Variants in ST6GALNAC5 observed in about 807,000 individuals in gnomAD.
ST6GALNAC5 encodes the protein ST6 N-acetylgalactosaminide alpha-2,6-sialyltransferase 5.
In ST6GALNAC5, 27 loss-of-function variants were observed where a neutral mutation model predicts 33.6. The ratio of observed to expected loss-of-function variants is 0.80; its 90% CI spans 0.59 to 1.11. The LOEUF is 1.11. ST6GALNAC5 is among the 50% of genes least tolerant of loss of function. The pLI is 0.00. For synonymous variants in ST6GALNAC5, 194 were observed against 171.2 expected (o/e 1.13, Z -1.04); for missense variants, 428 against 454.0 (o/e 0.94, Z 0.52).
At chr1:76,877,324 G>A (rs988116884) in intron 2 of ST6GALNAC5, among the ~76,000 whole-genome samples, 8 of 152,318 alleles carry the variant, frequency 5.3e-5, no homozygotes, top group African/African-American at 1.9e-4. Flanking sequence ...CCAAGTGGCA[G>A]AGCAGCTTGC....
intron 2 of ST6GALNAC5, among the ~76,000 whole-genome samples, chr1:77,025,370 TA>T (rs1391033607): frequency 1.3e-5 from 2 of 151,994 alleles, no homozygotes; most frequent in Admixed American, 1.3e-4. Context: ...CCCTCTTTAC[TA>T]AAAACACAAA....
intron 2 of ST6GALNAC5, among the ~76,000 whole-genome samples, chr1:76,931,976 G>A (rs549527825): frequency 1.3e-5 from 2 of 151,996 alleles, no homozygotes; most frequent in Non-Finnish European, 2.9e-5. Flanking sequence ...AAGAGAATAC[G>A]AAAAAGGAGA....
chr1:76,900,845 AT>A (rs1646810537), intron 2 of ST6GALNAC5, among the ~76,000 whole-genome samples: 1 of 152,194 alleles, frequency 6.6e-6, no homozygotes, highest in Admixed American at 6.5e-5. Flanking sequence ...TTTTAATCAC[AT>A]TGATTTGTTG....
intron 2 of ST6GALNAC5, among the ~76,000 whole-genome samples, chr1:76,892,182 C>T (rs779082399): frequency 3.5e-4 from 54 of 152,178 alleles, no homozygotes; most frequent in Non-Finnish European, 6.3e-4. Context: ...ACAACTTGTA[C>T]ATGACAGTCT....
At chr1:76,919,135 T>A (rs1647005553) in intron 2 of ST6GALNAC5, among the ~76,000 whole-genome samples, 1 of 152,078 alleles carries the variant, frequency 6.6e-6, no homozygotes, top group African/African-American at 2.4e-5. Context: ...GCTGATTGAG[T>A]GATCCCTCTG....
At chr1:77,036,757 G>A (rs1557769709) in intron 2 of ST6GALNAC5, among the ~76,000 whole-genome samples, 1 of 152,228 alleles carries the variant, frequency 6.6e-6, no homozygotes, top group Non-Finnish European at 1.5e-5. Flanking sequence ...CCTTCTATGT[G>A]CTGGGCACTG....
intron 2 of ST6GALNAC5, among the ~76,000 whole-genome samples, chr1:77,011,246 A>G (rs946010267): frequency 6.6e-6 from 1 of 152,190 alleles, no homozygotes; most frequent in Non-Finnish European, 1.5e-5. Context: ...CAGCATTCAG[A>G]TATGTAGAAA....
chr1:76,893,532 A>T (rs909689540), intron 2 of ST6GALNAC5, among the ~76,000 whole-genome samples: 4 of 152,222 alleles, frequency 2.6e-5, no homozygotes, highest in African/African-American at 7.2e-5. Flanking sequence ...ACGTCATTGG[A>T]ATTATTAGGA....
chr1:77,005,355 C>G (rs1000695013), intron 2 of ST6GALNAC5, among the ~76,000 whole-genome samples: 1 of 152,196 alleles, frequency 6.6e-6, no homozygotes, highest in Non-Finnish European at 1.5e-5. Flanking sequence ...GGCTCGCGCA[C>G]GGTGCGCACA....
chr1:77,066,072 G>A lies in ST6GALNAC5; in HGVS notation c.*2866G>A, dbSNP rs1487323998. 6.6e-6 allele frequency among the ~76,000 whole-genome samples: 1 copy of A among 152,126 alleles called. No individual in the cohort carries two copies. The highest frequency in any genetic ancestry group is 1.5e-5 in the Non-Finnish European group (1 of 68,016). ...AAAGCATACATTAAAAGAACATTAG[G>A]AGGTAAATATTCAGCATGCTGCATG... On this transcript the variant is annotated 3_prime_UTR_variant, in exon 5 of 5. Coordinates refer to ENST00000477717, the MANE Select transcript of ST6GALNAC5 (RefSeq NM_030965.3).
chr1:77,013,812 T>G (rs1160307144), intron 2 of ST6GALNAC5, among the ~76,000 whole-genome samples: 1 of 152,222 alleles, frequency 6.6e-6, no homozygotes, highest in Non-Finnish European at 1.5e-5. Context: ...AGACTTGTCT[T>G]GGAGAGGGCT....
chr1:76,988,072 T>A (rs931909147), intron 2 of ST6GALNAC5, among the ~76,000 whole-genome samples: 21 of 152,020 alleles, frequency 1.4e-4, no homozygotes, highest in South Asian at 8.4e-4. Flanking sequence ...ATTAAAAAAA[T>A]TTTTTTTTCT....
intron 2 of ST6GALNAC5, among the ~76,000 whole-genome samples, chr1:76,903,186 C>G (rs558929240): frequency 1.3e-5 from 2 of 152,150 alleles, no homozygotes; most frequent in East Asian, 3.9e-4. Flanking sequence ...CCATACAACT[C>G]AATAATAAAA....
intron 2 of ST6GALNAC5, among the ~76,000 whole-genome samples, chr1:77,022,616 A>G (rs544567816): frequency 7.5e-4 from 114 of 152,318 alleles, no homozygotes; most frequent in African/African-American, 2.6e-3. Context: ...CACACTATGG[A>G]CCAGTAAAGT....
intron 2 of ST6GALNAC5, among the ~76,000 whole-genome samples, chr1:76,904,326 G>C (rs1646844860): frequency 6.6e-6 from 1 of 152,150 alleles, no homozygotes; most frequent in Admixed American, 6.5e-5. Context: ...TCATGCTTAA[G>C]GGTGCTGTGA....
At chr1:76,882,794 C>T (rs1270034904) in intron 2 of ST6GALNAC5, among the ~76,000 whole-genome samples, 1 of 152,114 alleles carries the variant, frequency 6.6e-6, no homozygotes, top group Non-Finnish European at 1.5e-5. Flanking sequence ...CTATGGCTTC[C>T]CATTGCCTAC....
In ST6GALNAC5 at chr1:76,868,824, G is replaced by T; in HGVS notation, c.261+82G>T. On this transcript the variant is annotated intron_variant, in intron 2 of 4. Transcript: ENST00000477717. This position sits in a 1 kb window ranked among gnomAD's most constrained non-coding sequence, Gnocchi z 4.3. ...AGCCTTCCCCCTTTCCCGGGGCTGG[G>T]AGGCGCTGTGAGTAGGTGCCGTTCG... 7.0e-7 allele frequency: 1 copy of T among 1,430,048 alleles called. No individual in the cohort carries two copies. Among genetic ancestry groups the T allele is most frequent in the Non-Finnish European group, 9.1e-7 (1 of 1,098,136 alleles). The allele number at this position is 1,430,048 out of a possible 1,614,324, so 88.6% of individuals were successfully genotyped here.
At chr1:76,985,510 AG>A (rs1649456189) in intron 2 of ST6GALNAC5, among the ~76,000 whole-genome samples, 1 of 152,224 alleles carries the variant, frequency 6.6e-6, no homozygotes, top group Non-Finnish European at 1.5e-5. Context: ...GAAAGAAAAG[AG>A]GACACAAACA....
chr1:77,020,389 GTTGT>G (rs929687974), intron 2 of ST6GALNAC5, among the ~76,000 whole-genome samples: 1 of 152,004 alleles, frequency 6.6e-6, no homozygotes, highest in African/African-American at 2.4e-5. Context: ...TGTTTCCTTT[GTTGT>G]TTGTTTGTTT....
Sources: allele counts gnomAD v4.1 joint callset (sites outside exome capture counted in the v4.1 genomes callset), GRCh38; gene constraint gnomAD v4.1.1; non-coding constraint Gnocchi (gnomAD v3.1); transcripts MANE v1.5; gene names NCBI Gene and HGNC (gene_info 2026-07-23, HGNC 2026-07-21).